The following CACNA2D3 variants were observed in gnomAD, a reference collection of about 807,000 sequenced individuals.
The protein encoded by CACNA2D3 is voltage-dependent calcium channel subunit alpha-2/delta-3.
Under a neutral mutation model 160.6 loss-of-function variants are expected in CACNA2D3, and 60 were observed. The observed-to-expected ratio is 0.37, with a 90% CI of 0.30 to 0.46. CACNA2D3 has a LOEUF of 0.46. Ranked by LOEUF, CACNA2D3 falls within the 20% of genes least tolerant of loss-of-function variation. CACNA2D3 has a pLI of 1.00. For missense variants in CACNA2D3, 1,205 were observed against 1,365.0 expected (o/e 0.88, Z 1.85); for synonymous variants, 558 against 492.9 (o/e 1.13, Z -1.75).
intron 35 of CACNA2D3, among the ~76,000 whole-genome samples, chr3:55,045,574 A>G (rs1158121681): frequency 1.3e-5 from 2 of 152,176 alleles, no homozygotes; most frequent in Non-Finnish European, 1.5e-5. Flanking sequence ...CAATATCTTT[A>G]TTTAAGATCA....
intron 2 of CACNA2D3, among the ~76,000 whole-genome samples, chr3:54,289,801 A>G (rs1306693060): frequency 6.6e-6 from 1 of 152,120 alleles, no homozygotes; most frequent in Non-Finnish European, 1.5e-5. Context: ...AAAACAAGTA[A>G]TGGGGAAAGG....
At chr3:54,648,326 A>G (rs926905485) in intron 11 of CACNA2D3, among the ~76,000 whole-genome samples, 2 of 152,280 alleles carry the variant, frequency 1.3e-5, no homozygotes, top group Admixed American at 6.5e-5. Flanking sequence ...TTATTTTGAC[A>G]TAGCCACACC....
At chr3:54,258,706 T>G (rs914953033) in intron 2 of CACNA2D3, among the ~76,000 whole-genome samples, 4 of 137,488 alleles carry the variant, frequency 2.9e-5, no homozygotes, top group Non-Finnish European at 5.9e-5. Context: ...GCTGAGAATG[T>G]TGGGGATAGT....
At chr3:54,376,870 G>A (rs1261183284) in intron 3 of CACNA2D3, among the ~76,000 whole-genome samples, 1 of 152,178 alleles carries the variant, frequency 6.6e-6, no homozygotes, top group Non-Finnish European at 1.5e-5. Flanking sequence ...AAGTTGCCTG[G>A]TAAACATTTG....
chr3:54,931,847 A>G (rs1425106862), intron 27 of CACNA2D3, among the ~76,000 whole-genome samples: 1 of 152,218 alleles, frequency 6.6e-6, no homozygotes, highest in Non-Finnish European at 1.5e-5. Context: ...GAAATCCAGC[A>G]TGTAATAGCT....
At chr3:54,402,988 G>T (rs1699498603) in intron 4 of CACNA2D3, among the ~76,000 whole-genome samples, 1 of 152,126 alleles carries the variant, frequency 6.6e-6, no homozygotes, top group Admixed American at 6.5e-5. Flanking sequence ...TTTTGGAAAA[G>T]TCAATAATAT....
intron 3 of CACNA2D3, among the ~76,000 whole-genome samples, chr3:54,345,787 G>A (rs1698446516): frequency 6.6e-6 from 1 of 151,570 alleles, no homozygotes; most frequent in African/African-American, 2.4e-5. Flanking sequence ...CTAAGTCTTT[G>A]CAATCTTAGA....
At chr3:55,002,273 C>T (rs1364258227) in intron 31 of CACNA2D3, among the ~76,000 whole-genome samples, 4 of 152,308 alleles carry the variant, frequency 2.6e-5, no homozygotes, top group African/African-American at 7.2e-5. Context: ...TCCTCTCAAC[C>T]CCATGCTGCC....
chr3:55,070,699 G>A (rs1037472010), intron 35 of CACNA2D3, among the ~76,000 whole-genome samples: 1 of 152,142 alleles, frequency 6.6e-6, no homozygotes. Flanking sequence ...AAATATTTGC[G>A]ACCTTTATTT....
intron 2 of CACNA2D3, among the ~76,000 whole-genome samples, chr3:54,147,191 G>T (rs1449305009): frequency 6.6e-6 from 1 of 152,252 alleles, no homozygotes; most frequent in Non-Finnish European, 1.5e-5. Context: ...TCACTTGGGT[G>T]TGTGGCTTTG....
intron 35 of CACNA2D3, among the ~76,000 whole-genome samples, chr3:55,050,265 C>T (rs358465): frequency 0.26 from 38,673 of 147,736 alleles, 7,433 homozygotes; most frequent in African/African-American, 0.55. Flanking sequence ...CCATGTTTAG[C>T]GCTTCCTTCA....
chr3:54,136,594 T>A (rs1699819261), intron 2 of CACNA2D3, among the ~76,000 whole-genome samples: 1 of 152,232 alleles, frequency 6.6e-6, no homozygotes, highest in Non-Finnish European at 1.5e-5. Context: ...TCACCCTGAG[T>A]GCTTCAGTGA....
At chr3:54,243,989 C>A (rs1702021218) in intron 2 of CACNA2D3, among the ~76,000 whole-genome samples, 1 of 152,138 alleles carries the variant, frequency 6.6e-6, no homozygotes, top group African/African-American at 2.4e-5. Context: ...ATACAGGAGT[C>A]CTGCTCCCCC....
At chr3:54,555,032 G>A (rs561265367) in intron 5 of CACNA2D3, among the ~76,000 whole-genome samples, 7 of 151,716 alleles carry the variant, frequency 4.6e-5, no homozygotes, top group African/African-American at 7.3e-5. Flanking sequence ...ACACCACCCC[G>A]CCTATCTACT....
intron 11 of CACNA2D3, among the ~76,000 whole-genome samples, chr3:54,667,527 G>T (rs191266877): frequency 1.4e-3 from 219 of 152,244 alleles, no homozygotes; most frequent in African/African-American, 5.0e-3. Context: ...TCAAGCCAGG[G>T]TATTGAACCT....
At chr3:54,563,873 C>A (rs545213519) in intron 6 of CACNA2D3, among the ~76,000 whole-genome samples, 6 of 152,322 alleles carry the variant, frequency 3.9e-5, no homozygotes, top group Middle Eastern at 6.8e-3. Context: ...ATCTGACCCT[C>A]GAGAATTGCC....
At chr3:54,878,869 A>G (rs948904754) in intron 18 of CACNA2D3, 149 bp from the exon 19 acceptor site, 14 of 526,520 alleles carry the variant, frequency 2.7e-5, no homozygotes, top group African/African-American at 1.2e-4. Flanking sequence ...CCCATTGTAC[A>G]TGAGCAGTTG....
intron 4 of CACNA2D3, among the ~76,000 whole-genome samples, chr3:54,403,161 G>T (rs1204677475): frequency 6.6e-6 from 1 of 152,054 alleles, no homozygotes; most frequent in South Asian, 2.1e-4. Context: ...TTCGAGACCA[G>T]CTTGGGCAAC....
At chr3:54,832,831 A>T (rs2694128) in intron 14 of CACNA2D3, among the ~76,000 whole-genome samples, 3 of 152,022 alleles carry the variant, frequency 2.0e-5, no homozygotes, top group African/African-American at 4.8e-5. Context: ...TGGAACCTGG[A>T]ACATAGCTGA....
Sources: allele counts gnomAD v4.1 joint callset (sites outside exome capture counted in the v4.1 genomes callset), GRCh38; gene constraint gnomAD v4.1.1; transcripts MANE v1.5; gene names NCBI Gene and HGNC (gene_info 2026-07-23, HGNC 2026-07-21).